TRPC6: variants seen among roughly 807,000 people sequenced by gnomAD.
The protein encoded by TRPC6 is short transient receptor potential channel 6.
TRPC6 carries 55 observed loss-of-function variants against 90.7 expected under a neutral mutation model. The ratio of observed to expected loss-of-function variants is 0.61; its 90% confidence interval spans 0.49 to 0.76. TRPC6 has a LOEUF of 0.76. TRPC6 is among the 30% of genes least tolerant of loss of function. The probability of loss-of-function intolerance (pLI) is 0.00; values close to 1 mark genes in which losing one functional copy is unlikely to be tolerated. For synonymous variants in TRPC6, 393 were observed against 393.0 expected (o/e 1.00, Z 0.00); for missense variants, 989 against 1,122.7 (o/e 0.88, Z 1.70).
In TRPC6 at chr11:101,471,458, G is replaced by A. The variant is rs148867885; in HGVS notation, c.2206-72C>T. 171 of 1,511,232 alleles carry A rather than the reference G, an allele frequency of 1.1e-4. 1 individual carries two copies. In the African/African-American group the frequency reaches 1.9e-3, roughly 17 times the overall value. 93.6% of individuals were successfully genotyped at this position (1,511,232 alleles called of 1,614,324 possible). On this transcript the variant is annotated intron_variant, in intron 8 of 12. Coordinates refer to ENST00000344327, the MANE Select transcript of TRPC6 (RefSeq NM_004621.6). ...ATTACTGGGATGCTTTTAACATTGTGTAGCTAGATGGAGGACAATGCCTAT... is the reference window on the plus strand; with the variant it reads ...ATTACTGGGATGCTTTTAACATTGTATAGCTAGATGGAGGACAATGCCTAT...
At chr11:101,454,908 T>C (rs1858848456) in intron 11 of TRPC6, 110 bp downstream of exon 11, 1 of 753,970 alleles carries the variant, frequency 1.3e-6, no homozygotes, top group African/African-American at 1.8e-5. Flanking sequence ...ATTGAATTAA[T>C]GCATTATTTG....
intron 1 of TRPC6, among the ~76,000 whole-genome samples, chr11:101,540,840 T>C (rs1861151282): frequency 6.6e-6 from 1 of 152,234 alleles, no homozygotes; most frequent in Admixed American, 6.5e-5. Context: ...TGAGTTTTTA[T>C]TTTCTTATCT....
chr11:101,542,294 C>T (rs976821167), intron 1 of TRPC6, among the ~76,000 whole-genome samples: 6 of 152,140 alleles, frequency 3.9e-5, no homozygotes, highest in Non-Finnish European at 7.4e-5. Flanking sequence ...AAATAGGGTG[C>T]TAATTAACTC....
Position 101,547,595 on chromosome 11 carries a change from C to T in TRPC6, c.170+35739G>A, listed in dbSNP as rs149312446. Among the ~76,000 whole-genome samples the T allele has an allele frequency of 4.5e-3, 691 of 152,248 alleles. 10 individuals are homozygous for T. Among genetic ancestry groups the T allele is most frequent in the African/African-American group, 0.016 (656 of 41,560 alleles). On this transcript the variant is annotated intron_variant, in intron 1 of 12. Coordinates refer to ENST00000344327, the MANE Select transcript of TRPC6 (RefSeq NM_004621.6). The stretch of plus-strand genomic sequence containing the variant: ...CCCCCAGTATATCAATTGAGATCAT[C>T]GATTTCTGTTATGAATATTTCTTCC...
intron 1 of TRPC6, among the ~76,000 whole-genome samples, chr11:101,507,361 C>T (rs1261607848): frequency 6.6e-6 from 1 of 150,996 alleles, no homozygotes; most frequent in Non-Finnish European, 1.5e-5. Flanking sequence ...AAAATCTAGA[C>T]AGCAGTTGCT....
At chr11:101,480,767 A>G (rs903885309) in intron 5 of TRPC6, among the ~76,000 whole-genome samples, 1 of 152,164 alleles carries the variant, frequency 6.6e-6, no homozygotes, top group Non-Finnish European at 1.5e-5. Context: ...TTTACCTTAC[A>G]TATACTAAGA....
At chr11:101,460,190 T>C (rs1404443822) in intron 10 of TRPC6, among the ~76,000 whole-genome samples, 1 of 152,196 alleles carries the variant, frequency 6.6e-6, no homozygotes, top group Non-Finnish European at 1.5e-5. Flanking sequence ...ATGTTATACG[T>C]AGTCAACTGT....
At chr11:101,519,705 C>T in intron 1 of TRPC6, 1 of 153,818 alleles carries the variant, frequency 6.5e-6, no homozygotes, top group Middle Eastern at 7.2e-4. Flanking sequence ...AAATTCTGAG[C>T]TGTATCTCAA....
intron 1 of TRPC6, among the ~76,000 whole-genome samples, chr11:101,529,330 G>C (rs1860855356): frequency 6.6e-6 from 1 of 152,156 alleles, no homozygotes; most frequent in South Asian, 2.1e-4. Context: ...TATCAGGGCA[G>C]CATCTTGGCA....
intron 2 of TRPC6, among the ~76,000 whole-genome samples, chr11:101,500,261 T>C (rs1475905635): frequency 6.8e-6 from 1 of 146,666 alleles, no homozygotes; most frequent in East Asian, 2.0e-4. Flanking sequence ...CAGACTGGAG[T>C]GCGGTGGCGC....
At chr11:101,519,018 T>A (rs542179813) in intron 1 of TRPC6, among the ~76,000 whole-genome samples, 6 of 151,736 alleles carry the variant, frequency 4.0e-5, no homozygotes, top group African/African-American at 9.7e-5. Context: ...ACACAGAGAG[T>A]AGAAGAATGG....
At chr11:101,515,769 A>G (rs1382682854) in intron 1 of TRPC6, among the ~76,000 whole-genome samples, 1 of 152,196 alleles carries the variant, frequency 6.6e-6, no homozygotes, top group Non-Finnish European at 1.5e-5. Flanking sequence ...TTTTGAGTAT[A>G]CTAATCATGT....
chr11:101,518,504 A>T (rs573110900), intron 1 of TRPC6, among the ~76,000 whole-genome samples: 392 of 152,322 alleles, frequency 2.6e-3, no homozygotes, highest in South Asian at 0.016. Context: ...ATGTCATCTC[A>T]CCCAAGTTAA....
intron 1 of TRPC6, among the ~76,000 whole-genome samples, chr11:101,539,539 C>G (rs544952580): frequency 3.9e-5 from 6 of 152,278 alleles, no homozygotes; most frequent in African/African-American, 4.8e-5. Context: ...ACCTTGTCAC[C>G]AATTTTGTCA....
At chr11:101,579,508 T>C (rs1392293999) in intron 1 of TRPC6, among the ~76,000 whole-genome samples, 2 of 152,188 alleles carry the variant, frequency 1.3e-5, no homozygotes, top group African/African-American at 2.4e-5. Context: ...ATAGCAAGCA[T>C]ATCTTTAGCA....
intron 5 of TRPC6, among the ~76,000 whole-genome samples, chr11:101,481,156 G>A (rs915351606): frequency 6.6e-6 from 1 of 152,174 alleles, no homozygotes; most frequent in Non-Finnish European, 1.5e-5. Context: ...GCTCCAGCAT[G>A]AAGCCAAGAA....
chr11:101,504,109 G>T lies in TRPC6; in HGVS notation c.860C>A (p.Ser287Ter), dbSNP rs748391152. ...CATGACTGGATCTTCACTAGACAAT[G>T]ACAGGTAAGCCGGACTTGCCAGGCC... ...YKGLASPAYL[S>*]LSSEDPVMTA... The change falls in exon 2 of 13, where the codon TCA becomes TAA. Residue 287 changes from serine (S) to a stop codon, truncating the protein, a stop_gained. Coordinates refer to ENST00000344327, the MANE Select transcript of TRPC6 (RefSeq NM_004621.6). LOFTEE classifies it high-confidence loss of function. The T allele has an allele frequency of 3.1e-6, 5 of 1,614,046 alleles. No individual in the cohort carries two copies. The highest frequency in any genetic ancestry group is 4.2e-6 in the Non-Finnish European group (5 of 1,179,948).
intron 3 of TRPC6, among the ~76,000 whole-genome samples, chr11:101,491,229 A>G (rs61915999): frequency 0.36 from 54,373 of 151,850 alleles, 11,194 homozygotes; most frequent in African/African-American, 0.56. Flanking sequence ...GGCGGATCAC[A>G]AGGTCAGGAG....
At chr11:101,521,321 T>C (rs1386597379) in intron 1 of TRPC6, among the ~76,000 whole-genome samples, 3 of 152,210 alleles carry the variant, frequency 2.0e-5, no homozygotes, top group Non-Finnish European at 4.4e-5. Flanking sequence ...TGTCTTAGGA[T>C]GCTGCTCCAG....
Sources: gnomAD v4.1 joint callset for allele counts (sites outside exome capture counted in the v4.1 genomes callset) on GRCh38, gnomAD v4.1.1 for gene constraint, MANE v1.5 for transcripts, NCBI Gene and HGNC (gene_info 2026-07-23, HGNC 2026-07-21) for gene names.